Variants in PANX1 observed in about 807,000 individuals in gnomAD.
PANX1 encodes the protein pannexin-1.
A neutral mutation model predicts 38.7 loss-of-function variants in PANX1; 30 were observed. The observed-to-expected ratio is 0.78, with a 90% CI of 0.58 to 1.05. The LOEUF (loss-of-function observed/expected upper bound fraction) is 1.05. Among genes scored for constraint, PANX1 ranks in the 50% least tolerant of loss-of-function variants. The pLI is 0.00. For missense variants in PANX1, 551 were observed against 517.2 expected (o/e 1.07, Z -0.63); for synonymous variants, 230 against 212.2 (o/e 1.08, Z -0.73).
At position 94,180,151 on chromosome 11, in the gene PANX1, A is replaced by G. The variant is rs776571248; in HGVS notation, c.1095A>G (p.Leu365=). The part of the protein sequence containing the change: ...KSSGQGIDPM[L]LLTNLGMIKM... ...GTGGTCAGGGGATCGACCCAATGCT[A>G]CTCCTGACAAACCTTGGCATGATCA... The change falls in exon 4 of 5, where the codon CTA becomes CTG. Residue 365 remains leucine (L), a synonymous_variant. Coordinates refer to ENST00000227638, the MANE Select transcript of PANX1 (RefSeq NM_015368.4). The G allele has an allele frequency of 6.2e-7, 1 of 1,613,668 alleles. No homozygotes were observed. The highest frequency in any genetic ancestry group is 8.5e-7 in the Non-Finnish European group (1 of 1,179,832).
chr11:94,162,046 C>T (rs1038087558), intron 2 of PANX1, among the ~76,000 whole-genome samples: 1 of 152,162 alleles, frequency 6.6e-6, no homozygotes, highest in Non-Finnish European at 1.5e-5. Flanking sequence ...TACTGGTGAG[C>T]AGCAAATGTT....
chr11:94,181,000 T>C lies in PANX1; in HGVS notation c.*131T>C. 1 of 644,484 alleles carries C rather than the reference T, an allele frequency of 1.6e-6. No homozygotes were observed. The highest frequency in any genetic ancestry group is 1.8e-5 in the South Asian group (1 of 55,954). 39.9% of individuals were successfully genotyped at this position (644,484 alleles called of 1,614,324 possible). A position where few individuals can be genotyped will look rare whatever the true frequency, so the allele number is the denominator to read the frequency against. On this transcript the variant is annotated 3_prime_UTR_variant, in exon 5 of 5. Coordinates refer to ENST00000227638, the MANE Select transcript of PANX1 (RefSeq NM_015368.4). ...TGGTGGAGATACTGAGCATGTCTTA[T>C]TGAGTCCCTAATGGAAATGGTGATC... is the stretch of plus-strand genomic sequence containing the variant.
At chr11:94,163,858 C>T (rs1448329301) in intron 2 of PANX1, among the ~76,000 whole-genome samples, 1 of 152,078 alleles carries the variant, frequency 6.6e-6, no homozygotes, top group African/African-American at 2.4e-5. Context: ...GCCATCAGGT[C>T]CTGGGCTTTT....
Position 94,179,609 on chromosome 11 carries a change from G to A in PANX1, c.553G>A (p.Glu185Lys). 1.2e-6 allele frequency: 2 copies of A among 1,612,426 alleles called. No homozygotes were observed. Among genetic ancestry groups the A allele is most frequent in the East Asian group, 4.5e-5 (2 of 44,878 alleles). The part of the protein sequence containing the change: ...VTENLGQSLW[E>K]VSESHFKYPI... Reference sequence around the variant, plus strand: ...GTTTCCTTTATTTTTTAGTTTGTGGGAGGTATCTGAAAGCCACTTCAAGTA... The same window carrying A: ...GTTTCCTTTATTTTTTAGTTTGTGGAAGGTATCTGAAAGCCACTTCAAGTA... Residue 185 changes from glutamate to lysine, a missense_variant, in exon 4 of 5, where the codon GAG becomes AAG. Glu to Lys is a moderately conservative substitution (Grantham distance 56). Coordinates refer to ENST00000227638, the MANE Select transcript of PANX1 (RefSeq NM_015368.4).
At chr11:94,133,339 T>C (rs1946652528) in intron 1 of PANX1, among the ~76,000 whole-genome samples, 1 of 152,078 alleles carries the variant, frequency 6.6e-6, no homozygotes, top group African/African-American at 2.4e-5. Context: ...CAATCACAGG[T>C]TGAGGGTCAC....
At chr11:94,168,358 C>T (rs936061154) in intron 2 of PANX1, among the ~76,000 whole-genome samples, 2 of 151,846 alleles carry the variant, frequency 1.3e-5, no homozygotes, top group South Asian at 2.1e-4. Flanking sequence ...CTGGGGACAG[C>T]GGGAGCCATT....
intron 2 of PANX1, among the ~76,000 whole-genome samples, chr11:94,154,836 A>G (rs11826223): frequency 0.055 from 8,439 of 152,284 alleles, 801 homozygotes; most frequent in African/African-American, 0.19. Context: ...TATGTATTAT[A>G]TACTGTATTC....
chr11:94,159,655 T>C (rs1280126464), intron 2 of PANX1, among the ~76,000 whole-genome samples: 4 of 152,128 alleles, frequency 2.6e-5, no homozygotes, highest in Non-Finnish European at 5.9e-5. Flanking sequence ...CTATCAATTT[T>C]GTTGATCTTT....
intron 1 of PANX1, among the ~76,000 whole-genome samples, chr11:94,132,710 G>GAT (rs1210168552): frequency 2.0e-5 from 3 of 152,042 alleles, no homozygotes; most frequent in Non-Finnish European, 4.4e-5. Context: ...CATCTCTTTT[G>GAT]ATATAAAATC....
chr11:94,177,730 G>A lies in PANX1; in HGVS notation c.322-639G>A, dbSNP rs534233642. Among the ~76,000 whole-genome samples the A allele has an allele frequency of 1.0e-3, 152 of 148,950 alleles. 1 individual carries two copies. The highest frequency in any genetic ancestry group is 3.1e-3 in the African/African-American group (128 of 41,308). On this transcript the variant is annotated intron_variant, in intron 2 of 4. Coordinates refer to ENST00000227638, the MANE Select transcript of PANX1 (RefSeq NM_015368.4). ...TGCTCTCCTCTTGATTCCCTTGCCC[G>A]TTGTGGATGGCCTCTCTGAGCCCAA...
intron 2 of PANX1, among the ~76,000 whole-genome samples, chr11:94,160,149 A>G (rs917873354): frequency 2.2e-4 from 33 of 152,028 alleles, no homozygotes; most frequent in Non-Finnish European, 4.3e-4. Flanking sequence ...TACTTCAACT[A>G]TGTGGTCAAT....
intron 2 of PANX1, among the ~76,000 whole-genome samples, chr11:94,172,350 G>C (rs1196494320): frequency 6.6e-6 from 1 of 151,754 alleles, no homozygotes; most frequent in African/African-American, 2.4e-5. Flanking sequence ...TGGGGATTTT[G>C]TTGAACTTTA....
intron 1 of PANX1, 46 bp downstream of exon 1, chr11:94,129,539 C>T (rs1340321747): frequency 6.5e-7 from 1 of 1,534,238 alleles, no homozygotes; most frequent in Non-Finnish European, 8.9e-7. Context: ...CCGGTCTGGC[C>T]CGGTGAGCTG....
At chr11:94,146,208 A>G (rs1282466206) in intron 1 of PANX1, among the ~76,000 whole-genome samples, 1 of 152,246 alleles carries the variant, frequency 6.6e-6, no homozygotes, top group Non-Finnish European at 1.5e-5. Context: ...TGAACATCAG[A>G]GTGAATAACA....
chr11:94,143,937 C>CG (rs1565374364), intron 1 of PANX1, among the ~76,000 whole-genome samples: 1 of 152,002 alleles, frequency 6.6e-6, no homozygotes, highest in Non-Finnish European at 1.5e-5. Context: ...TTTGTAGAGA[C>CG]GGGGTCTCAC....
chr11:94,176,625 G>A (rs1435192494), intron 2 of PANX1, among the ~76,000 whole-genome samples: 2 of 151,572 alleles, frequency 1.3e-5, no homozygotes, highest in African/African-American at 2.4e-5. Context: ...GGGGGCTGCC[G>A]TCCACTCCCA....
chr11:94,169,087 A>T (rs1947134775), intron 2 of PANX1, among the ~76,000 whole-genome samples: 1 of 151,614 alleles, frequency 6.6e-6, no homozygotes, highest in African/African-American at 2.4e-5. Flanking sequence ...GAGATATGGT[A>T]TCTGGAGATT....
At chr11:94,134,445 C>T (rs1004092749) in intron 1 of PANX1, among the ~76,000 whole-genome samples, 6 of 152,068 alleles carry the variant, frequency 3.9e-5, no homozygotes, top group Non-Finnish European at 7.4e-5. Context: ...TTATGAATTC[C>T]CTTAGTGTGC....
At chr11:94,177,370 A>G (rs1468977790) in intron 2 of PANX1, among the ~76,000 whole-genome samples, 1 of 151,604 alleles carries the variant, frequency 6.6e-6, no homozygotes, top group African/African-American at 2.4e-5. Context: ...TGATTAGAAG[A>G]TCACGCAAAA....
Sources: gnomAD v4.1 joint callset for allele counts (sites outside exome capture counted in the v4.1 genomes callset) on GRCh38, gnomAD v4.1.1 for gene constraint, MANE v1.5 for transcripts, NCBI Gene and HGNC (gene_info 2026-07-23, HGNC 2026-07-21) for gene names.